Variants in MAML2 observed in about 807,000 individuals in gnomAD.
MAML2 encodes mastermind like transcriptional coactivator 2, also known as mastermind-like protein 2.
MAML2 carries 22 observed loss-of-function variants against 96.1 expected under a neutral mutation model. The observed-to-expected ratio is 0.23, with a 90% CI of 0.16 to 0.33. The LOEUF is 0.33. Ranked by LOEUF, MAML2 falls within the 10% of genes least tolerant of loss-of-function variation. The pLI, the probability that MAML2 is intolerant of heterozygous loss-of-function variation, is 1.00. For missense variants in MAML2, 1,367 were observed against 1,392.4 expected, an observed-to-expected ratio of 0.98 and a Z score of 0.29; for synonymous variants, 561 against 521.3, an observed-to-expected ratio of 1.08 and a Z score of -1.04.
At chr11:95,983,232 A>G (rs944858335) in intron 4 of MAML2, among the ~76,000 whole-genome samples, 5 of 152,156 alleles carry the variant, frequency 3.3e-5, no homozygotes, top group Admixed American at 6.5e-5. Context: ...GCCTAGGCTA[A>G]TGTGTGTTTG....
At chr11:96,217,992 C>T (rs1862075119) in intron 1 of MAML2, among the ~76,000 whole-genome samples, 1 of 152,196 alleles carries the variant, frequency 6.6e-6, no homozygotes, top group South Asian at 2.1e-4. Context: ...TTCAAGACTC[C>T]AATTTACCTT....
At chr11:96,032,309 C>T (rs932985140) in intron 2 of MAML2, among the ~76,000 whole-genome samples, 1 of 152,136 alleles carries the variant, frequency 6.6e-6, no homozygotes, top group Non-Finnish European at 1.5e-5. Context: ...TATGTTTCCA[C>T]TGGGTGCGGT....
At chr11:96,109,920 G>T (rs1457152934) in intron 1 of MAML2, among the ~76,000 whole-genome samples, 2 of 152,174 alleles carry the variant, frequency 1.3e-5, no homozygotes, top group African/African-American at 4.8e-5. Context: ...TAAATGGATT[G>T]CAAGGAACAA....
chr11:96,003,698 A>C (rs1858133108), intron 2 of MAML2, among the ~76,000 whole-genome samples: 1 of 152,202 alleles, frequency 6.6e-6, no homozygotes, highest in African/African-American at 2.4e-5. Context: ...GCATAAAGTA[A>C]GTGAAGTATC....
intron 1 of MAML2, among the ~76,000 whole-genome samples, chr11:96,256,743 C>A (rs1862673598): frequency 6.6e-6 from 1 of 152,226 alleles, no homozygotes; most frequent in South Asian, 2.1e-4. Flanking sequence ...CCACAGTCAA[C>A]TCTTGAGCTA....
intron 2 of MAML2, among the ~76,000 whole-genome samples, chr11:96,043,101 G>C (rs1038908887): frequency 6.6e-6 from 1 of 151,980 alleles, no homozygotes; most frequent in African/African-American, 2.4e-5. Flanking sequence ...GGTTCTCCAG[G>C]GAACACACAA....
intron 1 of MAML2, among the ~76,000 whole-genome samples, chr11:96,322,346 A>G (rs762681769): frequency 2.6e-5 from 4 of 152,182 alleles, no homozygotes; most frequent in Non-Finnish European, 5.9e-5. Context: ...TCAAACCTGA[A>G]CTGCAAAAGA....
intron 3 of MAML2, 115 bp downstream of exon 3, chr11:95,991,405 C>A: frequency 1.0e-6 from 1 of 960,658 alleles, no homozygotes; most frequent in Non-Finnish European, 1.7e-6. Context: ...CTCTTACAGT[C>A]AGCACACCTT....
intron 1 of MAML2, among the ~76,000 whole-genome samples, chr11:96,169,921 G>T (rs1024185757): frequency 1.3e-5 from 2 of 152,288 alleles, no homozygotes; most frequent in Non-Finnish European, 2.9e-5. Context: ...CCAAAGTATT[G>T]GGATTGCAGG....
At chr11:96,100,802 G>A (rs1322172923) in intron 1 of MAML2, among the ~76,000 whole-genome samples, 2 of 147,532 alleles carry the variant, frequency 1.4e-5, no homozygotes, top group Non-Finnish European at 3.0e-5. Flanking sequence ...CTGGAGTGTA[G>A]TGGCACAATC....
chr11:96,256,811 C>T (rs996873536), intron 1 of MAML2, among the ~76,000 whole-genome samples: 3 of 152,124 alleles, frequency 2.0e-5, no homozygotes, highest in Admixed American at 1.3e-4. Flanking sequence ...TAAGTATGTC[C>T]GGCTGCAATA....
chr11:96,142,728 T>C (rs983112276), intron 1 of MAML2, among the ~76,000 whole-genome samples: 2 of 152,224 alleles, frequency 1.3e-5, no homozygotes, highest in African/African-American at 4.8e-5. Flanking sequence ...GCAACCTAAA[T>C]GCAGCATTGA....
intron 1 of MAML2, among the ~76,000 whole-genome samples, chr11:96,152,595 T>A (rs1443606299): frequency 6.6e-6 from 1 of 152,220 alleles, no homozygotes; most frequent in Non-Finnish European, 1.5e-5. Flanking sequence ...CAGTGTATCA[T>A]GTGAAATTTG....
chr11:96,334,781 G>C (rs767642171), intron 1 of MAML2, among the ~76,000 whole-genome samples: 25 of 152,202 alleles, frequency 1.6e-4, no homozygotes, highest in Non-Finnish European at 3.2e-4. Flanking sequence ...TAAAACCTTT[G>C]CTAAAACATT....
At chr11:96,117,425 A>T (rs957564640) in intron 1 of MAML2, among the ~76,000 whole-genome samples, 14 of 151,908 alleles carry the variant, frequency 9.2e-5, no homozygotes, top group African/African-American at 3.1e-4. Flanking sequence ...CCTCTTGAAG[A>T]GCTGAGATTA....
intron 2 of MAML2, among the ~76,000 whole-genome samples, chr11:96,054,171 T>G (rs1469340203): frequency 1.3e-5 from 2 of 152,218 alleles, no homozygotes; most frequent in African/African-American, 2.4e-5. Context: ...TTTTTCTACA[T>G]GTGGAGAAAT....
chr11:95,997,641 G>C (rs764599754), intron 2 of MAML2, among the ~76,000 whole-genome samples: 2 of 152,110 alleles, frequency 1.3e-5, no homozygotes, highest in Non-Finnish European at 2.9e-5. Flanking sequence ...ATGAGTTTTA[G>C]AATCATAATC....
At chr11:96,181,575 C>T (rs375214814) in intron 1 of MAML2, among the ~76,000 whole-genome samples, 15 of 152,192 alleles carry the variant, frequency 9.9e-5, no homozygotes, top group East Asian at 3.9e-4. Context: ...GTCTTTACAA[C>T]GTTGAGAATA....
In MAML2 at chr11:96,283,077, C is replaced by T. The variant is rs375134541; in HGVS notation, c.513+58306G>A. ...GCAGGAACCAATCCATCAACAAGGG[C>T]GAATGAAAGATCGTGTAATCCACAA... is the stretch of plus-strand genomic sequence containing the variant. On this transcript the variant is annotated intron_variant, in intron 1 of 4. Transcript: ENST00000524717. Among the ~76,000 whole-genome samples, 143 of 152,220 alleles carry T rather than the reference C, an allele frequency of 9.4e-4. 3 individuals carry two copies. In the South Asian group the frequency reaches 0.028, roughly 29 times the overall value.
Sources: gnomAD v4.1 joint callset for allele counts (sites outside exome capture counted in the v4.1 genomes callset) on GRCh38, gnomAD v4.1.1 for gene constraint, MANE v1.5 for transcripts, NCBI Gene and HGNC (gene_info 2026-07-23, HGNC 2026-07-21) for gene names.